VIPR2: variants seen among roughly 807,000 people sequenced by gnomAD.
VIPR2 encodes vasoactive intestinal peptide receptor 2.
A neutral mutation model predicts 58.0 loss-of-function variants in VIPR2; 48 were observed. The observed-to-expected ratio is 0.83, with a 90% confidence interval of 0.66 to 1.05. VIPR2 has a LOEUF of 1.05. Among genes scored for constraint, VIPR2 ranks in the 50% least tolerant of loss-of-function variants. The pLI, the probability that VIPR2 is intolerant of heterozygous loss-of-function variation, is 0.00. For missense variants in VIPR2, 534 were observed against 558.0 expected, an observed-to-expected ratio of 0.96 and a Z score of 0.43; for synonymous variants, 243 against 235.2, an observed-to-expected ratio of 1.03 and a Z score of -0.30.
chr7:159,090,612 G>A (rs1857436080), intron 4 of VIPR2, among the ~76,000 whole-genome samples: 1 of 132,734 alleles, frequency 7.5e-6, no homozygotes, highest in Non-Finnish European at 1.5e-5. Context: ...CAGACACGCT[G>A]GGACCACACA....
At position 159,106,535 on chromosome 7, in the gene VIPR2, A is replaced by AGGAGGGGCAGAGAGAGGCCAG. The variant is rs1563333623; in HGVS notation, c.260-2702_260-2682dup. ...GCCAAGGAGGGGCAGAGAGAGGCCA[A>AGGAGGGGCAGAGAGAGGCCAG]GGAGGGGCAGAGAGAGGCCAGGGAG... On this transcript the variant is annotated intron_variant, in intron 3 of 12. Coordinates refer to ENST00000262178, the MANE Select transcript of VIPR2 (RefSeq NM_003382.5). Among the ~76,000 whole-genome samples, 14 of 48,748 alleles carry AGGAGGGGCAGAGAGAGGCCAG rather than the reference A, an allele frequency of 2.9e-4. No homozygotes were observed. In the South Asian group the frequency reaches 7.8e-3, roughly 27 times the overall value. 32.0% of individuals were successfully genotyped at this position (48,748 alleles called of 152,430 possible). A position where few individuals can be genotyped will look rare whatever the true frequency, so the allele number is the denominator to read the frequency against.
chr7:159,114,503 C>T (rs1279742757), intron 2 of VIPR2, among the ~76,000 whole-genome samples: 2 of 152,142 alleles, frequency 1.3e-5, no homozygotes, highest in South Asian at 2.1e-4. Context: ...AATCAAAGGT[C>T]GCTCTGAAAA....
intron 3 of VIPR2, among the ~76,000 whole-genome samples, chr7:159,106,421 G>C (rs371658665): frequency 1.3e-5 from 2 of 149,996 alleles, no homozygotes. Context: ...GGGAGGGGCA[G>C]AGAGAGGCCA....
chr7:159,058,879 G>A (rs1855476761), intron 4 of VIPR2, among the ~76,000 whole-genome samples: 2 of 152,316 alleles, frequency 1.3e-5, no homozygotes, highest in South Asian at 2.1e-4. Context: ...GGAAGGAAGC[G>A]CTGAGCTAAG....
intron 4 of VIPR2, among the ~76,000 whole-genome samples, chr7:159,086,970 G>A (rs369570720): frequency 2.8e-4 from 43 of 152,316 alleles, no homozygotes; most frequent in African/African-American, 8.9e-4. Context: ...ATGTCCTCAC[G>A]TGAAGAAAAC....
At chr7:159,036,990 C>A in intron 6 of VIPR2, 88 bp from the exon 7 acceptor site, 1 of 1,462,906 alleles carries the variant, frequency 6.8e-7, no homozygotes, top group Non-Finnish European at 9.3e-7. Context: ...GGACACAGGG[C>A]GCTTGGTATC....
At chr7:159,104,650 C>A (rs1180933398) in intron 3 of VIPR2, among the ~76,000 whole-genome samples, 2 of 150,720 alleles carry the variant, frequency 1.3e-5, no homozygotes, top group African/African-American at 4.9e-5. Flanking sequence ...AGCACCCTCC[C>A]TCCTCCCAGC....
intron 4 of VIPR2, among the ~76,000 whole-genome samples, chr7:159,062,256 G>A (rs1045119419): frequency 6.6e-6 from 1 of 152,214 alleles, no homozygotes; most frequent in Non-Finnish European, 1.5e-5. Flanking sequence ...AGGTGAGAGA[G>A]CAGCGCCAGC....
intron 2 of VIPR2, among the ~76,000 whole-genome samples, chr7:159,135,023 TTTTTTTTA>T (rs1412479961): frequency 0.034 from 3,639 of 106,058 alleles, 289 homozygotes; most frequent in African/African-American, 0.12. Context: ...TTTTTTTTTT[TTTTTTTTA>T]ACATTTTAAG....
At chr7:159,092,163 G>A (rs1857542420) in intron 4 of VIPR2, among the ~76,000 whole-genome samples, 1 of 152,244 alleles carries the variant, frequency 6.6e-6, no homozygotes, top group Non-Finnish European at 1.5e-5. Context: ...CACCTGCACA[G>A]ACTGCCCACC....
At chr7:159,030,895 C>T in intron 12 of VIPR2, 106 bp from the exon 13 acceptor site, 3 of 1,350,146 alleles carry the variant, frequency 2.2e-6, no homozygotes, top group Non-Finnish European at 2.9e-6. Context: ...CGCCTGCTCC[C>T]GTATCTGTGT....
chr7:159,035,290 G>A (rs774853592), intron 8 of VIPR2, among the ~76,000 whole-genome samples: 1 of 152,202 alleles, frequency 6.6e-6, no homozygotes, highest in Non-Finnish European at 1.5e-5. Context: ...GTCTCAGACT[G>A]GCTGAAGGGG....
At position 159,095,533 on chromosome 7, in the gene VIPR2, T is replaced by TG. The variant is rs1857777644; in HGVS notation, c.357+8223_357+8224insC. Among the ~76,000 whole-genome samples, 1 of 152,224 alleles carries TG rather than the reference T, an allele frequency of 6.6e-6. No homozygotes were observed. The highest frequency in any genetic ancestry group is 2.4e-5 in the African/African-American group (1 of 41,464). ...GCAAAGCACGTATAAATTTAAGTGG[T>TG]TTTTTTAGTACTTAAAATTTGATTT... On this transcript the variant is annotated intron_variant, in intron 4 of 12. Transcript: ENST00000262178. This position sits in a 1 kb window ranked among gnomAD's most constrained non-coding sequence, Gnocchi z 5.2.
intron 2 of VIPR2, among the ~76,000 whole-genome samples, chr7:159,135,029 TTAACA>T (rs1797154324): frequency 1.1e-5 from 1 of 93,744 alleles, no homozygotes; most frequent in African/African-American, 5.0e-5. Flanking sequence ...TTTTTTTTTT[TTAACA>T]TTTTAAGTAA....
At chr7:159,041,153 G>A (rs538140498) in intron 6 of VIPR2, among the ~76,000 whole-genome samples, 1 of 152,346 alleles carries the variant, frequency 6.6e-6, no homozygotes, top group Admixed American at 6.5e-5. Flanking sequence ...TTCTGAAGGC[G>A]AATGAGTGTT....
intron 5 of VIPR2, among the ~76,000 whole-genome samples, chr7:159,057,111 G>A (rs1472419621): frequency 6.6e-6 from 1 of 152,162 alleles, no homozygotes; most frequent in Non-Finnish European, 1.5e-5. Context: ...ACAGATGTGT[G>A]TAAAAAATAG....
intron 2 of VIPR2, among the ~76,000 whole-genome samples, chr7:159,138,884 T>G (rs1231905207): frequency 6.6e-6 from 1 of 152,272 alleles, no homozygotes; most frequent in East Asian, 1.9e-4. Context: ...GTGAGAATTT[T>G]CATTAATTTG....
At chr7:159,082,178 T>C (rs986759889) in intron 4 of VIPR2, among the ~76,000 whole-genome samples, 6 of 152,176 alleles carry the variant, frequency 3.9e-5, no homozygotes, top group Non-Finnish European at 2.9e-5. Flanking sequence ...ATGTTTACTG[T>C]GGCACTATTC....
chr7:159,039,320 C>T (rs1854171732), intron 6 of VIPR2, among the ~76,000 whole-genome samples: 1 of 151,900 alleles, frequency 6.6e-6, no homozygotes, highest in East Asian at 1.9e-4. Flanking sequence ...CACACACACA[C>T]ACACAAAATT....
Sources: gnomAD v4.1 joint callset for allele counts (sites outside exome capture counted in the v4.1 genomes callset) on GRCh38, gnomAD v4.1.1 for gene constraint, Gnocchi (gnomAD v3.1) non-coding constraint, MANE v1.5 for transcripts, NCBI Gene and HGNC (gene_info 2026-07-23, HGNC 2026-07-21) for gene names.